Variants in CD36 observed in about 807,000 individuals in gnomAD.
The protein encoded by CD36 is CD36 molecule (CD36 blood group), also known as platelet glycoprotein 4.
CD36 carries 119 observed loss-of-function variants against 55.2 expected under a neutral mutation model. The observed-to-expected ratio is 2.15, with a 90% CI of 1.86 to 2.51. The LOEUF (loss-of-function observed/expected upper bound fraction) is 2.51. CD36 is among the 30% of genes most tolerant of loss of function. CD36 has a pLI of 0.00. For missense variants in CD36, 819 were observed against 555.5 expected, an observed-to-expected ratio of 1.47 and a Z score of -4.77; for synonymous variants, 186 against 193.6, an observed-to-expected ratio of 0.96 and a Z score of 0.33.
chr7:80,646,701 AAC>A lies in CD36; in HGVS notation c.-38_-37del, dbSNP rs766281592. On this transcript the variant is annotated 5_prime_UTR_variant, in exon 3 of 15. Coordinates refer to ENST00000447544, the MANE Select transcript of CD36 (RefSeq NM_001001548.3). ...TAATCATATCCAGGAGTTTGCAAGA[AAC>A]AGGTGCTTAACACTAATTCACCTCC... 1.3e-5 allele frequency: 21 copies of A among 1,613,490 alleles called. No homozygotes were observed. The Admixed American group carries it at 3.5e-4, about 27-fold the overall frequency.
intron 1 of CD36, among the ~76,000 whole-genome samples, chr7:80,608,725 A>C (rs1761661): frequency 0.53 from 80,084 of 151,698 alleles, 22,010 homozygotes; most frequent in South Asian, 0.71. Flanking sequence ...CACCCCTAAA[A>C]CTGGTCCTAT....
At chr7:80,635,398 C>T (rs1301792725), upstream of CD36, among the ~76,000 whole-genome samples, 2 of 152,066 alleles carry the variant, frequency 1.3e-5, no homozygotes, top group African/African-American at 2.4e-5. Context: ...TCTCAGCCTC[C>T]TGAGTAGTTG....
In CD36 at chr7:80,668,421, A is replaced by C. The variant is rs1797329030; in HGVS notation, c.749-1532A>C. On this transcript the variant is annotated intron_variant, in intron 8 of 14. Coordinates refer to ENST00000447544, the MANE Select transcript of CD36 (RefSeq NM_001001548.3). Reference sequence around the variant, plus strand: ...GGCACTAGCGAAAAGAAAGTAATAAAACAGTAAGGTTCTAATGTGTTTTCA... The same window carrying C: ...GGCACTAGCGAAAAGAAAGTAATAACACAGTAAGGTTCTAATGTGTTTTCA... Among the ~76,000 whole-genome samples the C allele has an allele frequency of 6.6e-6, 1 of 152,188 alleles. No individual in the cohort carries two copies. Among genetic ancestry groups the C allele is most frequent in the Non-Finnish European group, 1.5e-5 (1 of 68,032 alleles).
intron 11 of CD36, 146 bp from the exon 12 acceptor site, chr7:80,672,624 A>T (rs1465483395): frequency 1.6e-6 from 1 of 632,952 alleles, no homozygotes; most frequent in Non-Finnish European, 2.9e-6. Context: ...ATATAACTAT[A>T]ACTATATATG....
rs374408212 is a variant in CD36 at position 80,665,393 on chromosome 7, T to TAATA, written c.701+897_701+900dup. ...ACCAAAAGAGATGAAATGTTTTTAT[T>TAATA]AATATAAAGTAACCCCTACCTCAAA... On this transcript the variant is annotated intron_variant, in intron 7 of 14. Coordinates refer to ENST00000447544, the MANE Select transcript of CD36 (RefSeq NM_001001548.3). Among the ~76,000 whole-genome samples the TAATA allele has an allele frequency of 9.4e-3, 837 of 88,698 alleles. 7 individuals carry two copies. The highest frequency in any genetic ancestry group is 0.022 in the African/African-American group (796 of 36,392). The allele number at this position is 88,698 out of a possible 152,430, so 58.2% of individuals were successfully genotyped here.
intron 1 of CD36, among the ~76,000 whole-genome samples, chr7:80,627,990 G>A (rs1793844459): frequency 6.6e-6 from 1 of 151,784 alleles, no homozygotes; most frequent in Non-Finnish European, 1.5e-5. Flanking sequence ...TGAGATTTTT[G>A]CTTAAAAAAG....
At chr7:80,665,420 T>TGAGTC (rs1796980933) in intron 7 of CD36, among the ~76,000 whole-genome samples, 1 of 152,116 alleles carries the variant, frequency 6.6e-6, no homozygotes, top group African/African-American at 2.4e-5. Context: ...TACCTCAAAC[T>TGAGTC]GAGTCTATCT....
At chr7:80,653,333 G>A (rs1795770900) in intron 3 of CD36, among the ~76,000 whole-genome samples, 1 of 152,192 alleles carries the variant, frequency 6.6e-6, no homozygotes, top group African/African-American at 2.4e-5. Flanking sequence ...TTTTAATAAT[G>A]AAAGTTGTCA....
intron 13 of CD36, 100 bp downstream of exon 13, chr7:80,673,509 A>G: frequency 1.3e-6 from 1 of 786,466 alleles, no homozygotes; most frequent in East Asian, 2.5e-5. Flanking sequence ...AGCTATATGT[A>G]TTTCCATTAC....
At chr7:80,659,366 T>C (rs112132545) in intron 4 of CD36, among the ~76,000 whole-genome samples, 1 of 152,174 alleles carries the variant, frequency 6.6e-6, no homozygotes, top group Admixed American at 6.5e-5. Flanking sequence ...ACGAAATTGC[T>C]TGGGTTGAGA....
At chr7:80,623,600 T>C (rs1404654681) in intron 1 of CD36, among the ~76,000 whole-genome samples, 1 of 152,238 alleles carries the variant, frequency 6.6e-6, no homozygotes, top group Non-Finnish European at 1.5e-5. Flanking sequence ...TTCTTTCATA[T>C]TGCAAAATAA....
At chr7:80,605,663 T>C (rs1792504488) in intron 1 of CD36, among the ~76,000 whole-genome samples, 1 of 152,198 alleles carries the variant, frequency 6.6e-6, no homozygotes, top group African/African-American at 2.4e-5. Flanking sequence ...ATAAAATATC[T>C]GTAGTATGGA....
intron 1 of CD36, among the ~76,000 whole-genome samples, chr7:80,614,614 C>T (rs1793047031): frequency 6.6e-6 from 1 of 152,040 alleles, no homozygotes; most frequent in Non-Finnish European, 1.5e-5. Context: ...CTTCGCGGCT[C>T]CATCTTTCCC....
upstream of CD36, among the ~76,000 whole-genome samples, chr7:80,636,087 G>T (rs563614634): frequency 1.8e-4 from 28 of 152,166 alleles, no homozygotes; most frequent in African/African-American, 6.7e-4. Context: ...ATTCTAGCAG[G>T]TGCAAAGACA....
intron 4 of CD36, among the ~76,000 whole-genome samples, chr7:80,659,830 T>G (rs1034573223): frequency 1.3e-5 from 2 of 152,184 alleles, no homozygotes; most frequent in Non-Finnish European, 2.9e-5. Flanking sequence ...CAGATTTTTA[T>G]ATTCTTTGTG....
Position 80,671,025 on chromosome 7 carries a change from T to C in CD36, c.867T>C (p.Pro289=), listed in dbSNP as rs375599304. ...CCGACGTTAATCTGAAAGGAATCCC[T>C]GTGTATAGATTTGTTCTTCCATCCA... The part of the protein sequence containing the change: ...FESDVNLKGI[P]VYRFVLPSKA... Residue 289 remains proline (P), a synonymous_variant, in exon 10 of 15, where the codon CCT becomes CCC. Coordinates refer to ENST00000447544, the MANE Select transcript of CD36 (RefSeq NM_001001548.3). 1.2e-6 allele frequency: 2 copies of C among 1,613,388 alleles called. No individual in the cohort carries two copies. Among genetic ancestry groups the C allele is most frequent in the Non-Finnish European group, 1.7e-6 (2 of 1,179,388 alleles).
chr7:80,633,536 TC>T (rs745974578), intron 1 of CD36, among the ~76,000 whole-genome samples: 16 of 152,076 alleles, frequency 1.1e-4, no homozygotes, highest in Non-Finnish European at 1.9e-4. Flanking sequence ...CATTTCAGTC[TC>T]AGCATTTCAC....
rs371964967 is a variant in CD36 at position 80,603,769 on chromosome 7, C to CAAAAAAA, written c.-184+1401_-184+1407dup. ...CTGGAACTCAAGAATTACAGTCAGG[C>CAAAAAAA]AAAAAAAAAAAAAAAAAGAGTTTTA... On this transcript the variant is annotated intron_variant, in intron 1 of 13. Transcript: ENST00000309881. Among the ~76,000 whole-genome samples the CAAAAAAA allele has an allele frequency of 6.9e-3, 646 of 94,182 alleles. 17 individuals carry two copies. In the East Asian group the frequency reaches 0.092, roughly 13 times the overall value. The allele number at this position is 94,182 out of a possible 152,430, so 61.8% of individuals were successfully genotyped here. A position where few individuals can be genotyped will look rare whatever the true frequency, so the allele number is the denominator to read the frequency against.
At chr7:80,643,065 A>C (rs1171477386) in intron 1 of CD36, among the ~76,000 whole-genome samples, 2 of 152,100 alleles carry the variant, frequency 1.3e-5, no homozygotes, top group African/African-American at 4.8e-5. Context: ...AGTTATACTA[A>C]TCAGTTTTCA....
Sources: allele counts gnomAD v4.1 joint callset (sites outside exome capture counted in the v4.1 genomes callset), GRCh38; gene constraint gnomAD v4.1.1; transcripts MANE v1.5; gene names NCBI Gene and HGNC (gene_info 2026-07-23, HGNC 2026-07-21).